The following SMOC1 variants were observed in gnomAD, a reference collection of about 807,000 sequenced individuals.
SMOC1 encodes SPARC related modular calcium binding 1, also known as SPARC-related modular calcium-binding protein 1.
A neutral mutation model predicts 56.3 loss-of-function variants in SMOC1; 22 were observed. The observed-to-expected ratio is 0.39, with a 90% CI of 0.28 to 0.56. SMOC1 has a LOEUF of 0.56. Among genes scored for constraint, SMOC1 ranks in the 20% least tolerant of loss-of-function variants. The pLI is 0.61. For synonymous variants in SMOC1, 193 were observed against 215.0 expected (o/e 0.90, Z 0.89); for missense variants, 509 against 565.4 (o/e 0.90, Z 1.01).
rs551073754 is a variant in SMOC1, at chr14:69,938,926, C to T, written c.100-13212C>T. On this transcript the variant is annotated intron_variant, in intron 1 of 11. Coordinates refer to ENST00000361956, the MANE Select transcript of SMOC1 (RefSeq NM_001034852.3). ...AGTGATTGTGCCCTCCAAACGATGACTTCCTAAGGGCTCTTCTCAGTGTGA... is the reference window on the plus strand; with the variant it reads ...AGTGATTGTGCCCTCCAAACGATGATTTCCTAAGGGCTCTTCTCAGTGTGA... 4.6e-5 allele frequency among the ~76,000 whole-genome samples: 7 copies of T among 152,330 alleles called. No individual in the cohort carries two copies. The South Asian group carries it at 1.5e-3, about 32-fold the overall frequency.
At chr14:69,930,221 C>T (rs1262479676) in intron 1 of SMOC1, among the ~76,000 whole-genome samples, 2 of 152,122 alleles carry the variant, frequency 1.3e-5, no homozygotes, top group Admixed American at 1.3e-4. Context: ...ACCCCCCTGA[C>T]AGCACCCTTC....
At chr14:69,974,320 C>T (rs979497120) in intron 3 of SMOC1, among the ~76,000 whole-genome samples, 1 of 151,816 alleles carries the variant, frequency 6.6e-6, no homozygotes, top group African/African-American at 2.4e-5. Context: ...GGAGGTGTAT[C>T]ACAAAGGAGG....
chr14:69,961,272 G>GTGTATATATATATA (rs1447169812), intron 3 of SMOC1, among the ~76,000 whole-genome samples: 3 of 74,968 alleles, frequency 4.0e-5, no homozygotes, highest in African/African-American at 1.2e-4. Context: ...ATTCTATTGT[G>GTGTATATATATATA]TATATATATA....
intron 11 of SMOC1, 69 bp from the exon 12 acceptor site, chr14:70,030,173 C>CT: frequency 6.2e-7 from 1 of 1,605,574 alleles, no homozygotes; most frequent in Non-Finnish European, 8.5e-7. Context: ...AAGCCCAACT[C>CT]TAACTTCTTG....
intron 3 of SMOC1, among the ~76,000 whole-genome samples, chr14:69,957,365 CT>C (rs1883225317): frequency 6.6e-6 from 1 of 152,152 alleles, no homozygotes; most frequent in African/African-American, 2.4e-5. Flanking sequence ...TATTAATACG[CT>C]TATGTATAAA....
chr14:69,910,904 G>T (rs1346591386), intron 1 of SMOC1, among the ~76,000 whole-genome samples: 1 of 152,146 alleles, frequency 6.6e-6, no homozygotes, highest in African/African-American at 2.4e-5. Context: ...CGGGTCTGTT[G>T]TCTGTGTTAT....
At chr14:70,007,593 G>T (rs1885191306) in intron 7 of SMOC1, among the ~76,000 whole-genome samples, 1 of 152,218 alleles carries the variant, frequency 6.6e-6, no homozygotes, top group Admixed American at 6.5e-5. Flanking sequence ...AAATTTATTT[G>T]TCTCCTAGAG....
At chr14:69,930,067 T>A (rs1397879266) in intron 1 of SMOC1, among the ~76,000 whole-genome samples, 1 of 151,860 alleles carries the variant, frequency 6.6e-6, no homozygotes, top group Non-Finnish European at 1.5e-5. Context: ...ACTTCAGAGA[T>A]GGGCTGTGGA....
intron 7 of SMOC1, among the ~76,000 whole-genome samples, chr14:70,010,079 T>C (rs1423901041): frequency 6.6e-6 from 1 of 152,172 alleles, no homozygotes; most frequent in Non-Finnish European, 1.5e-5. Context: ...TGCTCATGTG[T>C]TACTGAGGCT....
At chr14:69,886,891 T>C (rs1883824183) in intron 1 of SMOC1, among the ~76,000 whole-genome samples, 1 of 152,192 alleles carries the variant, frequency 6.6e-6, no homozygotes, top group African/African-American at 2.4e-5. Flanking sequence ...GAGGAAACAA[T>C]CATCTTAGAA....
chr14:69,942,761 C>A (rs1460782557), intron 1 of SMOC1, among the ~76,000 whole-genome samples: 1 of 152,128 alleles, frequency 6.6e-6, no homozygotes, highest in Non-Finnish European at 1.5e-5. Context: ...ACTTTATGTG[C>A]ACCTGCTTTT....
chr14:69,921,266 T>TA (rs2139367962), intron 1 of SMOC1, among the ~76,000 whole-genome samples: 1 of 152,282 alleles, frequency 6.6e-6, no homozygotes, highest in African/African-American at 2.4e-5. Context: ...ATGGGCAAGA[T>TA]CTTGCAGGCT....
At chr14:69,972,378 C>T (rs1883793230) in intron 3 of SMOC1, among the ~76,000 whole-genome samples, 1 of 152,188 alleles carries the variant, frequency 6.6e-6, no homozygotes. Flanking sequence ...GATCTGAGAC[C>T]TTGCTCGGGT....
At chr14:69,947,632 T>G (rs538442885) in intron 1 of SMOC1, among the ~76,000 whole-genome samples, 1 of 152,364 alleles carries the variant, frequency 6.6e-6, no homozygotes, top group South Asian at 2.1e-4. Context: ...AAAATTCGAT[T>G]GAAGACTACG....
chr14:69,984,376 A>C (rs939373565), intron 5 of SMOC1, among the ~76,000 whole-genome samples: 17 of 152,252 alleles, frequency 1.1e-4, no homozygotes, highest in African/African-American at 3.6e-4. Flanking sequence ...ATAATCTAGA[A>C]GATAATATAT....
Position 70,023,500 on chromosome 14 carries a change from C to A in SMOC1, c.1291+53C>A. The A allele has an allele frequency of 2.5e-6, 4 of 1,612,488 alleles. 1 individual carries two copies. In the South Asian group the frequency reaches 4.4e-5, roughly 18 times the overall value. On this transcript the variant is annotated intron_variant, in intron 11 of 11. Coordinates refer to ENST00000361956, the MANE Select transcript of SMOC1 (RefSeq NM_001034852.3). ...CTTTCAATACTTGCCCCCACCCAGG[C>A]ATGGGACCAAGGGCTCTCTGATAAA...
At chr14:69,975,861 C>A in intron 4 of SMOC1, 47 bp downstream of exon 4, 1 of 1,415,368 alleles carries the variant, frequency 7.1e-7, no homozygotes, top group South Asian at 1.2e-5. Context: ...GGAGAGAGAC[C>A]CGTTGGTTGG....
chr14:69,882,488 G>A (rs1883670635), intron 1 of SMOC1, among the ~76,000 whole-genome samples: 1 of 152,178 alleles, frequency 6.6e-6, no homozygotes, highest in South Asian at 2.1e-4. Flanking sequence ...AGCGGCTATC[G>A]AGTATCAGAT....
intron 1 of SMOC1, among the ~76,000 whole-genome samples, chr14:69,899,380 G>A (rs375559687): frequency 5.2e-4 from 79 of 152,232 alleles, no homozygotes; most frequent in African/African-American, 1.5e-3. Context: ...TACTATTCTC[G>A]TGACAGAGTT....
Sources: allele counts gnomAD v4.1 joint callset (sites outside exome capture counted in the v4.1 genomes callset), GRCh38; gene constraint gnomAD v4.1.1; transcripts MANE v1.5; gene names NCBI Gene and HGNC (gene_info 2026-07-23, HGNC 2026-07-21).